PITPNB: variants seen among roughly 807,000 people sequenced by gnomAD.
PITPNB encodes the protein phosphatidylinositol transfer protein beta, also known as phosphatidylinositol transfer protein beta isoform.
A neutral mutation model predicts 45.9 loss-of-function variants in PITPNB; 16 were observed. The ratio of observed to expected loss-of-function variants is 0.35; its 90% CI spans 0.24 to 0.53. The LOEUF is 0.53. Ranked by LOEUF, PITPNB falls within the 20% of genes least tolerant of loss-of-function variation. The pLI is 0.93. For missense variants in PITPNB, 188 were observed against 330.5 expected (o/e 0.57, Z 3.34); for synonymous variants, 112 against 108.9 (o/e 1.03, Z -0.18).
intron 2 of PITPNB, among the ~76,000 whole-genome samples, chr22:27,912,189 C>T (rs1935946857): frequency 6.6e-6 from 1 of 152,178 alleles, no homozygotes; most frequent in Non-Finnish European, 1.5e-5. Context: ...GTAGTTTAAG[C>T]TCAGTAAACA....
chr22:27,866,067 T>C (rs868692048), intron 8 of PITPNB, among the ~76,000 whole-genome samples: 3 of 152,308 alleles, frequency 2.0e-5, no homozygotes, highest in Middle Eastern at 3.4e-3. Context: ...GAGTTTTACA[T>C]AAAGCATGAA....
At chr22:27,865,210 G>A (rs539857998) in intron 8 of PITPNB, among the ~76,000 whole-genome samples, 52 of 152,162 alleles carry the variant, frequency 3.4e-4, no homozygotes, top group Non-Finnish European at 5.6e-4. Flanking sequence ...CTCTAAAGAA[G>A]TTTTTTTGCC....
chr22:27,918,759 G>A (rs1177969051), intron 1 of PITPNB, among the ~76,000 whole-genome samples: 5 of 152,138 alleles, frequency 3.3e-5, no homozygotes, highest in African/African-American at 9.7e-5. Flanking sequence ...ACTCCACCCC[G>A]GACGACAAAT....
intron 3 of PITPNB, among the ~76,000 whole-genome samples, chr22:27,903,029 C>A (rs1193092856): frequency 6.6e-6 from 1 of 152,124 alleles, no homozygotes; most frequent in Non-Finnish European, 1.5e-5. Flanking sequence ...AAATTAAAAA[C>A]TTTTTAAGCT....
chr22:27,874,251 G>C (rs201754705), intron 7 of PITPNB, among the ~76,000 whole-genome samples: 1 of 152,176 alleles, frequency 6.6e-6, no homozygotes, highest in African/African-American at 2.4e-5. Flanking sequence ...ACTGTGGCTG[G>C]GAACAAAATC....
At chr22:27,858,259 G>A (rs200319326) in intron 10 of PITPNB, 128 bp downstream of exon 10, 11 of 708,326 alleles carry the variant, frequency 1.6e-5, no homozygotes, top group Admixed American at 2.8e-5. Flanking sequence ...CCATTTTGAT[G>A]AGAATAAGTA....
chr22:27,916,801 A>C (rs944787095), intron 1 of PITPNB, among the ~76,000 whole-genome samples: 4 of 152,146 alleles, frequency 2.6e-5, no homozygotes, highest in Admixed American at 6.5e-5. Context: ...TCCGCCTCAA[A>C]AAAAAAACAT....
At chr22:27,890,424 C>T (rs999299725) in intron 7 of PITPNB, among the ~76,000 whole-genome samples, 2 of 151,920 alleles carry the variant, frequency 1.3e-5, no homozygotes, top group Non-Finnish European at 2.9e-5. Flanking sequence ...TCCCCCAAGA[C>T]AGCACATTAG....
chr22:27,913,023 CA>C (rs1234479926), intron 2 of PITPNB, among the ~76,000 whole-genome samples: 2 of 120,192 alleles, frequency 1.7e-5, no homozygotes, highest in African/African-American at 3.1e-5. Flanking sequence ...GGGAGTATAA[CA>C]AAAAGCCGAG....
chr22:27,853,588 T>C lies in PITPNB; in HGVS notation c.*114A>G. The C allele has an allele frequency of 6.5e-7, 1 of 1,543,574 alleles. No homozygotes were observed. The highest frequency in any genetic ancestry group is 8.8e-7 in the Non-Finnish European group (1 of 1,140,244). On this transcript the variant is annotated 3_prime_UTR_variant, in exon 12 of 12. Transcript: ENST00000335272. ...GCACACATCTGGGAAACGTCAACAC[T>C]GCAAGATACTGGTCAGATTCTTCTT... is the stretch of plus-strand genomic sequence containing the variant.
At chr22:27,913,013 G>GT (rs1231657915) in intron 2 of PITPNB, among the ~76,000 whole-genome samples, 59 of 151,296 alleles carry the variant, frequency 3.9e-4, no homozygotes, top group East Asian at 1.2e-3. Flanking sequence ...AGGTGGGGGG[G>GT]GGAGTATAAC....
intron 9 of PITPNB, 134 bp from the exon 10 acceptor site, chr22:27,858,643 G>A: frequency 1.7e-6 from 1 of 601,726 alleles, no homozygotes; most frequent in Non-Finnish European, 2.8e-6. Context: ...TAGATTTGTG[G>A]AAATCATAAT....
At chr22:27,909,855 C>T (rs1031375135) in intron 3 of PITPNB, among the ~76,000 whole-genome samples, 5 of 152,036 alleles carry the variant, frequency 3.3e-5, no homozygotes, top group African/African-American at 1.2e-4. Context: ...TCACAGCCCA[C>T]TGCAACCTCT....
chr22:27,893,305 G>A (rs1215111330), intron 7 of PITPNB, among the ~76,000 whole-genome samples: 1 of 146,240 alleles, frequency 6.8e-6, no homozygotes, highest in African/African-American at 2.5e-5. Context: ...TTTTTTTTGA[G>A]ACGGAGTCTC....
intron 8 of PITPNB, among the ~76,000 whole-genome samples, chr22:27,869,973 T>C (rs1393780963): frequency 6.6e-6 from 1 of 152,164 alleles, no homozygotes; most frequent in Non-Finnish European, 1.5e-5. Context: ...TAACAGAAAT[T>C]ATCAAATTCT....
intron 2 of PITPNB, among the ~76,000 whole-genome samples, chr22:27,911,659 C>A (rs541912097): frequency 4.3e-4 from 65 of 152,296 alleles, no homozygotes; most frequent in Non-Finnish European, 7.5e-4. Flanking sequence ...CTTCTGGGGT[C>A]ATTTTTAACT....
chr22:27,885,743 G>C (rs1935106033), intron 7 of PITPNB, among the ~76,000 whole-genome samples: 1 of 152,098 alleles, frequency 6.6e-6, no homozygotes, highest in African/African-American at 2.4e-5. Flanking sequence ...AATTAAAGTA[G>C]ATTTTATTTT....
chr22:27,910,878 T>C, intron 3 of PITPNB, 86 bp downstream of exon 3: 2 of 887,428 alleles, frequency 2.3e-6, no homozygotes, highest in Non-Finnish European at 3.7e-6. Context: ...AAAAATGTAC[T>C]TCACATCTAC....
intron 7 of PITPNB, among the ~76,000 whole-genome samples, chr22:27,881,240 T>C (rs1280378882): frequency 2.0e-5 from 3 of 152,194 alleles, no homozygotes; most frequent in Admixed American, 2.0e-4. Context: ...AGACAGGCGT[T>C]TGGCAAACAG....
Sources: allele counts gnomAD v4.1 joint callset (sites outside exome capture counted in the v4.1 genomes callset), GRCh38; gene constraint gnomAD v4.1.1; transcripts MANE v1.5; gene names NCBI Gene and HGNC (gene_info 2026-07-23, HGNC 2026-07-21).